The following YIPF1 variants were observed in gnomAD, a reference collection of about 807,000 sequenced individuals.
YIPF1 encodes protein YIPF1.
A neutral mutation model predicts 37.0 loss-of-function variants in YIPF1; 22 were observed. The observed-to-expected ratio is 0.59, with a 90% CI of 0.42 to 0.85. The LOEUF (loss-of-function observed/expected upper bound fraction) is 0.85. Ranked by LOEUF, YIPF1 falls within the 40% of genes least tolerant of loss-of-function variation. YIPF1 has a pLI of 0.00. For synonymous variants in YIPF1, 128 were observed against 131.9 expected, an observed-to-expected ratio of 0.97 and a Z score of 0.21; for missense variants, 355 against 373.1, an observed-to-expected ratio of 0.95 and a Z score of 0.40.
intron 6 of YIPF1, among the ~76,000 whole-genome samples, chr1:53,873,378 G>A (rs1650244296): frequency 6.6e-6 from 1 of 152,204 alleles, no homozygotes; most frequent in Non-Finnish European, 1.5e-5. Flanking sequence ...GGAATAGCAG[G>A]AGCAGAGACT....
intron 4 of YIPF1, among the ~76,000 whole-genome samples, chr1:53,879,113 G>A (rs1393623068): frequency 7.8e-6 from 1 of 128,380 alleles, no homozygotes; most frequent in Non-Finnish European, 1.7e-5. Flanking sequence ...TTTTTTTTTT[G>A]AGATGGCGTC....
At chr1:53,888,627 A>T (rs975307156) in intron 3 of YIPF1, among the ~76,000 whole-genome samples, 1 of 152,296 alleles carries the variant, frequency 6.6e-6, no homozygotes. Context: ...GTGCTCAATA[A>T]ATGTTTTCTG....
intron 9 of YIPF1, among the ~76,000 whole-genome samples, chr1:53,865,593 C>G (rs553678693): frequency 3.4e-4 from 51 of 151,850 alleles, no homozygotes; most frequent in African/African-American, 1.1e-3. Flanking sequence ...ACCAACCACA[C>G]CCCCACAACC....
At chr1:53,885,165 C>T (rs775388198) in intron 3 of YIPF1, among the ~76,000 whole-genome samples, 4 of 152,124 alleles carry the variant, frequency 2.6e-5, no homozygotes, top group Non-Finnish European at 4.4e-5. Flanking sequence ...ATAGATAATA[C>T]CTACCCCACA....
chr1:53,855,654 T>C (rs1430237417), intron 10 of YIPF1, among the ~76,000 whole-genome samples: 1 of 152,206 alleles, frequency 6.6e-6, no homozygotes, highest in African/African-American at 2.4e-5. Context: ...GTATTCAGTA[T>C]AGCAACATGC....
intron 5 of YIPF1, 82 bp downstream of exon 5, chr1:53,878,559 CT>C (rs879537439): frequency 6.7e-7 from 1 of 1,502,194 alleles, no homozygotes; most frequent in Non-Finnish European, 9.1e-7. Context: ...TATATAAAGG[CT>C]TTCACATTAT....
rs1221912113 is a variant in YIPF1 at position 53,866,227 on chromosome 1, G to T, written c.804C>A (p.Leu268=). ...AGCAGCCCACAGAAAGCAGCATATG[G>T]AGCAACACAATTGTCACAATTGTGG... is the stretch of plus-strand genomic sequence containing the variant. ...ALATIVTIVL[L]HMLLSVGCLA... Residue 268 remains leucine, a synonymous_variant, in exon 9 of 11, where the codon CTC becomes CTA. Coordinates refer to ENST00000072644, the MANE Select transcript of YIPF1 (RefSeq NM_018982.5). 1 of 1,614,054 alleles carries T rather than the reference G, an allele frequency of 6.2e-7. No individual in the cohort carries two copies. Among genetic ancestry groups the T allele is most frequent in the Non-Finnish European group, 8.5e-7 (1 of 1,179,996 alleles).
chr1:53,867,398 A>T (rs1650059037), intron 7 of YIPF1, among the ~76,000 whole-genome samples: 2 of 128,390 alleles, frequency 1.6e-5, no homozygotes, highest in Admixed American at 8.5e-5. Flanking sequence ...TTTGAGACAG[A>T]GTCTTGCTCT....
rs115965731 is a variant in YIPF1 at position 53,856,085 on chromosome 1, C to T, written c.*9-3815G>A. Among the ~76,000 whole-genome samples, 281 of 152,332 alleles carry T rather than the reference C, an allele frequency of 1.8e-3. 2 individuals are homozygous for T. The highest frequency in any genetic ancestry group is 3.4e-3 in the Non-Finnish European group (228 of 68,034). The stretch of plus-strand genomic sequence containing the variant: ...AATCAGCAGCATTCAGGGCTCTGGA[C>T]AGCCTCTCTATCAGCAAAGCAATTG... On this transcript the variant is annotated intron_variant, in intron 10 of 10. Transcript: ENST00000072644.
chr1:53,867,115 G>A (rs1038699357), intron 7 of YIPF1, among the ~76,000 whole-genome samples, 191 bp from the exon 8 acceptor site: 1 of 152,174 alleles, frequency 6.6e-6, no homozygotes, highest in Non-Finnish European at 1.5e-5. Context: ...CTTTAGAAAT[G>A]TTTGTTGAAT....
intron 5 of YIPF1, 52 bp from the exon 6 acceptor site, chr1:53,878,454 T>G (rs776648542): frequency 6.3e-7 from 1 of 1,577,942 alleles, no homozygotes; most frequent in South Asian, 1.1e-5. Context: ...GTTTAATAAA[T>G]TCAACTACTA....
chr1:53,883,613 T>C (rs1301939292), intron 3 of YIPF1, among the ~76,000 whole-genome samples: 13 of 152,222 alleles, frequency 8.5e-5, no homozygotes, highest in Admixed American at 8.5e-4. Context: ...TTTTAAATAA[T>C]TTTGGGAGAA....
chr1:53,861,051 GCTCT>G (rs768634299), intron 9 of YIPF1, among the ~76,000 whole-genome samples: 10 of 152,182 alleles, frequency 6.6e-5, no homozygotes, highest in Non-Finnish European at 1.5e-4. Context: ...CACCAGCTCT[GCTCT>G]CTATCAGCCA....
chr1:53,871,535 G>A, intron 6 of YIPF1, 47 bp from the exon 7 acceptor site: 1 of 1,412,552 alleles, frequency 7.1e-7, no homozygotes. Context: ...TGAAGCATAA[G>A]CCTTTAGATT....
intron 6 of YIPF1, among the ~76,000 whole-genome samples, chr1:53,875,084 G>C (rs1027136317): frequency 3.9e-5 from 6 of 152,226 alleles, no homozygotes; most frequent in Admixed American, 3.9e-4. Flanking sequence ...GAATTATAGG[G>C]TATAAGCATC....
intron 7 of YIPF1, among the ~76,000 whole-genome samples, chr1:53,870,922 G>A (rs1313928433): frequency 2.0e-5 from 3 of 149,854 alleles, no homozygotes; most frequent in Non-Finnish European, 4.4e-5. Flanking sequence ...TGAGGTGGGA[G>A]GATTACTTGA....
intron 10 of YIPF1, among the ~76,000 whole-genome samples, chr1:53,854,260 G>A (rs142609442): frequency 2.6e-5 from 4 of 151,318 alleles, no homozygotes; most frequent in Non-Finnish European, 5.9e-5. Flanking sequence ...TGAAAAAAAA[G>A]AAAAAAAAAA....
rs557499415 is a variant in YIPF1, at chr1:53,878,650, T to C, written c.268A>G (p.Thr90Ala). ...EYYQTFFDVD[T>A]YQVFDRIKGS... ...GAAATTGGTTTCCAAACCTGGTAGG[T>C]GTCCACATCAAAGAATGTTTGGTAG... Residue 90 changes from threonine (T) to alanine (A), a missense_variant, in exon 5 of 11, where the codon ACC becomes GCC. Thr to Ala is a moderately conservative substitution (Grantham distance 58). Transcript: ENST00000072644. 2 of 1,603,684 alleles carry C rather than the reference T, an allele frequency of 1.2e-6. No individual in the cohort carries two copies. Among genetic ancestry groups the C allele is most frequent in the African/African-American group, 2.7e-5 (2 of 74,188 alleles).
At chr1:53,857,355 G>T (rs144163538) in intron 10 of YIPF1, among the ~76,000 whole-genome samples, 3 of 152,168 alleles carry the variant, frequency 2.0e-5, no homozygotes, top group South Asian at 2.1e-4. Flanking sequence ...AATACAGCAC[G>T]CAAACTCTCA....
Sources: gnomAD v4.1 joint callset for allele counts (sites outside exome capture counted in the v4.1 genomes callset) on GRCh38, gnomAD v4.1.1 for gene constraint, MANE v1.5 for transcripts, NCBI Gene and HGNC (gene_info 2026-07-23, HGNC 2026-07-21) for gene names.